Variants in PPP1R21 observed in about 807,000 individuals in gnomAD.
PPP1R21 encodes KLRAQ motif containing 1.
A neutral mutation model predicts 112.8 loss-of-function variants in PPP1R21; 85 were observed. That is an observed-to-expected ratio of 0.75 (90% CI 0.63 to 0.90). PPP1R21 has a LOEUF of 0.90. PPP1R21 is among the 40% of genes least tolerant of loss of function. The pLI is 0.00. For missense variants in PPP1R21, 1,199 were observed against 901.5 expected, an observed-to-expected ratio of 1.33 and a Z score of -4.23; for synonymous variants, 381 against 322.3, an observed-to-expected ratio of 1.18 and a Z score of -1.95.
Position 48,510,105 on chromosome 2 carries a change from A to G in PPP1R21, c.2176A>G (p.Arg726Gly). 6.2e-7 allele frequency: 1 copy of G among 1,613,266 alleles called. No individual in the cohort carries two copies. Among genetic ancestry groups the G allele is most frequent in the Middle Eastern group, 1.7e-4 (1 of 6,058 alleles). Residue 726 changes from arginine to glycine, a missense_variant, in exon 20 of 22, where the codon AGA (arginine) becomes GGA (glycine). Physicochemically the swap from Arg to Gly is moderately radical, Grantham distance 125. Transcript: ENST00000294952. The part of the protein sequence containing the change: ...EMKLASQNIS[R>G]LQDELTTTKR... ...GAAACTTGCCAGTCAGAACATCAGC[A>G]GACTTCAGGTGAGTTAAGTGTTACC...
chr2:48,448,394 G>A (rs1667339071), intron 1 of PPP1R21, among the ~76,000 whole-genome samples: 2 of 152,172 alleles, frequency 1.3e-5, no homozygotes, highest in Non-Finnish European at 2.9e-5. Context: ...TCTGCAGTGT[G>A]CCTTAGAAAT....
At chr2:48,506,819 G>A (rs1444271407) in intron 18 of PPP1R21, among the ~76,000 whole-genome samples, 2 of 152,032 alleles carry the variant, frequency 1.3e-5, no homozygotes, top group South Asian at 4.2e-4. Flanking sequence ...GGTGGCGGGC[G>A]CCTGTGGTCC....
chr2:48,441,584 T>C (rs1667034075), intron 1 of PPP1R21: 1 of 158,594 alleles, frequency 6.3e-6, no homozygotes, highest in Non-Finnish European at 1.4e-5. Flanking sequence ...GTGCTACGGC[T>C]CTATCCTTTT....
chr2:48,501,691 T>A (rs1160287372), intron 17 of PPP1R21, among the ~76,000 whole-genome samples: 1 of 152,052 alleles, frequency 6.6e-6, no homozygotes, highest in Admixed American at 6.6e-5. Context: ...ACGCCTGTTG[T>A]CCCAGCTACT....
intron 12 of PPP1R21, among the ~76,000 whole-genome samples, chr2:48,476,142 C>G (rs1668745963): frequency 6.6e-6 from 1 of 152,108 alleles, no homozygotes; most frequent in South Asian, 2.1e-4. Context: ...CCCGTAAACC[C>G]TAGTAATTTA....
intron 11 of PPP1R21, 27 bp downstream of exon 11, chr2:48,471,394 T>G (rs200388870): frequency 1.6e-5 from 26 of 1,582,094 alleles, no homozygotes; most frequent in Non-Finnish European, 2.1e-5. Flanking sequence ...GCCAGGGAAC[T>G]TGGGGAATTG....
chr2:48,472,919 T>TA (rs1436281946), intron 11 of PPP1R21, among the ~76,000 whole-genome samples: 5 of 142,370 alleles, frequency 3.5e-5, no homozygotes, highest in African/African-American at 7.8e-5. Context: ...GCCTGGGTGA[T>TA]AGAGTCCCTG....
intron 14 of PPP1R21, among the ~76,000 whole-genome samples, chr2:48,490,634 A>G (rs1669520065): frequency 6.6e-6 from 1 of 152,242 alleles, no homozygotes; most frequent in Non-Finnish European, 1.5e-5. Flanking sequence ...AGAATATGAA[A>G]TATTCAAAGT....
chr2:48,474,220 T>C (rs1046145850), intron 11 of PPP1R21, among the ~76,000 whole-genome samples: 2 of 151,452 alleles, frequency 1.3e-5, no homozygotes, highest in African/African-American at 4.9e-5. Context: ...TTGTCTCTAC[T>C]GAAAGTACAA....
intron 12 of PPP1R21, among the ~76,000 whole-genome samples, chr2:48,478,172 G>C (rs901581046): frequency 6.6e-6 from 1 of 152,180 alleles, no homozygotes; most frequent in Non-Finnish European, 1.5e-5. Flanking sequence ...GTGTGACCCT[G>C]CCAACACCTT....
chr2:48,486,540 A>T, intron 13 of PPP1R21, 91 bp from the exon 14 acceptor site: 1 of 968,932 alleles, frequency 1.0e-6, no homozygotes, highest in South Asian at 1.6e-5. Flanking sequence ...TTATAAATTT[A>T]GAAGAATAGA....
chr2:48,514,693 G>T (rs774727578), intron 21 of PPP1R21, 22 bp from the exon 22 acceptor site: 1 of 1,522,088 alleles, frequency 6.6e-7, no homozygotes, highest in East Asian at 2.2e-5. Context: ...TGTTCTTATT[G>T]TTGATATTTT....
intron 9 of PPP1R21, among the ~76,000 whole-genome samples, chr2:48,468,244 G>T (rs78583799): frequency 0.016 from 2,419 of 152,288 alleles, 57 homozygotes; most frequent in African/African-American, 0.053. Context: ...TAAAAACAGT[G>T]CGTGGCATGT....
intron 2 of PPP1R21, among the ~76,000 whole-genome samples, chr2:48,452,359 A>C (rs56088423): frequency 0.15 from 22,700 of 152,130 alleles, 1,822 homozygotes; most frequent in Admixed American, 0.21. Context: ...TATCTTATTT[A>C]GTGTTCACAA....
chr2:48,483,981 C>G (rs141833396), intron 13 of PPP1R21, among the ~76,000 whole-genome samples: 4 of 152,224 alleles, frequency 2.6e-5, no homozygotes, highest in African/African-American at 9.6e-5. Flanking sequence ...AACTACCGTG[C>G]CCAGCCTAAT....
At chr2:48,443,021 A>G (rs996379981) in intron 1 of PPP1R21, among the ~76,000 whole-genome samples, 1 of 152,096 alleles carries the variant, frequency 6.6e-6, no homozygotes, top group Non-Finnish European at 1.5e-5. Flanking sequence ...TTTTGGGGAG[A>G]GTAATGTAGG....
At chr2:48,484,513 ACTTTT>A (rs1265516796) in intron 13 of PPP1R21, among the ~76,000 whole-genome samples, 1 of 114,590 alleles carries the variant, frequency 8.7e-6, no homozygotes, top group Non-Finnish European at 1.7e-5. Flanking sequence ...TAAAGAATAA[ACTTTT>A]TTTTTTTTTT....
At chr2:48,508,602 C>T (rs924506707) in intron 19 of PPP1R21, among the ~76,000 whole-genome samples, 8 of 152,128 alleles carry the variant, frequency 5.3e-5, no homozygotes, top group Non-Finnish European at 4.4e-5. Context: ...ATCACTAAGC[C>T]GGCAGTCCAG....
At position 48,454,584 on chromosome 2, in the gene PPP1R21, C is replaced by G; in HGVS notation, c.127-11C>G. On this transcript the variant is annotated splice_polypyrimidine_tract_variant and intron_variant, in intron 2 of 21. Transcript: ENST00000294952. ...AACTGTGAGGACCAATCTGTTTTCACTTTGATATAGGAGCAACTGAAAATG... is the reference window on the plus strand; with the variant it reads ...AACTGTGAGGACCAATCTGTTTTCAGTTTGATATAGGAGCAACTGAAAATG... 1 of 1,613,930 alleles carries G rather than the reference C, an allele frequency of 6.2e-7. No individual in the cohort carries two copies. Among genetic ancestry groups the G allele is most frequent in the Non-Finnish European group, 8.5e-7 (1 of 1,179,894 alleles).
Sources: gnomAD v4.1 joint callset for allele counts (sites outside exome capture counted in the v4.1 genomes callset) on GRCh38, gnomAD v4.1.1 for gene constraint, MANE v1.5 for transcripts, NCBI Gene and HGNC (gene_info 2026-07-23, HGNC 2026-07-21) for gene names.